GCNT2: variants seen among roughly 807,000 people sequenced by gnomAD.
GCNT2 encodes the protein glucosaminyl (N-acetyl) transferase 2 (I blood group), also known as N-acetyllactosaminide beta-1,6-N-acetylglucosaminyl-transferase.
Under a neutral mutation model 34.2 loss-of-function variants are expected in GCNT2, and 34 were observed. The ratio of observed to expected loss-of-function variants is 1.00; its 90% CI spans 0.76 to 1.32. GCNT2 has a LOEUF of 1.32. Ranked by LOEUF, GCNT2 falls within the 40% of genes most tolerant of loss-of-function variation. The pLI, the probability that GCNT2 is intolerant of heterozygous loss-of-function variation, is 0.00. For missense variants in GCNT2, 584 were observed against 489.4 expected, an observed-to-expected ratio of 1.19 and a Z score of -1.82; for synonymous variants, 212 against 188.0, an observed-to-expected ratio of 1.13 and a Z score of -1.04.
At chr6:10,594,988 A>G (rs539543128) in intron 3 of GCNT2, among the ~76,000 whole-genome samples, 3 of 151,746 alleles carry the variant, frequency 2.0e-5, no homozygotes, top group African/African-American at 7.2e-5. Context: ...TAGAACTATA[A>G]GCCTGCCTCA....
At chr6:10,608,240 G>C (rs1765409158) in intron 3 of GCNT2, among the ~76,000 whole-genome samples, 1 of 151,996 alleles carries the variant, frequency 6.6e-6, no homozygotes, top group Non-Finnish European at 1.5e-5. Context: ...ACTACGCCTG[G>C]CTAATTTTGT....
intron 3 of GCNT2, among the ~76,000 whole-genome samples, chr6:10,617,746 TC>T (rs1765846809): frequency 8.7e-5 from 10 of 115,342 alleles, no homozygotes; most frequent in African/African-American, 3.2e-4. Context: ...AGTCTGCATT[TC>T]TTCTTTTTTT....
intron 3 of GCNT2, among the ~76,000 whole-genome samples, chr6:10,569,273 A>ACACACACACACC (rs1561806920): frequency 1.4e-5 from 2 of 139,704 alleles, no homozygotes; most frequent in African/African-American, 2.7e-5. Flanking sequence ...ACACACACAC[A>ACACACACACACC]CCCCCTAGGT....
At chr6:10,611,862 A>T (rs1456014922) in intron 3 of GCNT2, among the ~76,000 whole-genome samples, 2 of 152,268 alleles carry the variant, frequency 1.3e-5, no homozygotes, top group Non-Finnish European at 1.5e-5. Context: ...ACAACATTAA[A>T]GAAAGTTTTA....
chr6:10,621,179 AG>A (rs1358366129), intron 3 of GCNT2, among the ~76,000 whole-genome samples, 171 bp from the exon 4 acceptor site: 1 of 152,250 alleles, frequency 6.6e-6, no homozygotes, highest in Non-Finnish European at 1.5e-5. Flanking sequence ...TCTGGTCAAA[AG>A]ATCAACTGGA....
intron 3 of GCNT2, among the ~76,000 whole-genome samples, chr6:10,587,843 G>C (rs1157935787): frequency 6.6e-6 from 1 of 152,110 alleles, no homozygotes; most frequent in Non-Finnish European, 1.5e-5. Flanking sequence ...GGTTGTGGGT[G>C]ACTGGTGGTT....
At chr6:10,586,546 A>G (rs1162171556) in intron 3 of GCNT2, 4 of 1,614,174 alleles carry the variant, frequency 2.5e-6, no homozygotes, top group Non-Finnish European at 3.4e-6. Context: ...CCCTGGAAGT[A>G]CGTCATCAAC....
At chr6:10,605,352 A>G (rs1053456630) in intron 3 of GCNT2, among the ~76,000 whole-genome samples, 1 of 148,514 alleles carries the variant, frequency 6.7e-6, no homozygotes, top group Admixed American at 6.8e-5. Context: ...AGTAGCTGGG[A>G]CGCACAGTAC....
At chr6:10,522,177 C>T (rs953773154) in intron 1 of GCNT2, among the ~76,000 whole-genome samples, 3 of 152,170 alleles carry the variant, frequency 2.0e-5, no homozygotes, top group South Asian at 2.1e-4. Flanking sequence ...CGTGAGCCAC[C>T]GTCCACAGCC....
At chr6:10,611,878 A>G (rs866210582) in intron 3 of GCNT2, among the ~76,000 whole-genome samples, 11 of 152,242 alleles carry the variant, frequency 7.2e-5, no homozygotes, top group African/African-American at 2.7e-4. Flanking sequence ...TTTTATAAGT[A>G]AGGAAAACAC....
intron 3 of GCNT2, among the ~76,000 whole-genome samples, chr6:10,610,520 A>G (rs1020930217): frequency 6.6e-6 from 1 of 152,178 alleles, no homozygotes; most frequent in Admixed American, 6.5e-5. Context: ...AGGATTGCCT[A>G]TGTTTCTCAA....
chr6:10,529,085 T>C lies in GCNT2; in HGVS notation c.174T>C (p.Phe58=), dbSNP rs1367645069. Residue 58 remains phenylalanine, a synonymous_variant, in exon 3 of 5, where the codon TTT becomes TTC. Coordinates refer to ENST00000495262, the MANE Select transcript of GCNT2 (RefSeq NM_145649.5). ...ATCAGATTTTTGAGGGGAAAGTTTT[T>C]TACCCAACAGAAAATGCATTGAAAA... ...ACHQIFEGKV[F]YPTENALKTT... 6.2e-7 allele frequency: 1 copy of C among 1,614,028 alleles called. No individual in the cohort carries two copies. Among genetic ancestry groups the C allele is most frequent in the East Asian group, 2.2e-5 (1 of 44,892 alleles).
At chr6:10,530,747 A>T (rs778644186) in intron 3 of GCNT2, among the ~76,000 whole-genome samples, 28 of 151,894 alleles carry the variant, frequency 1.8e-4, no homozygotes, top group Non-Finnish European at 2.2e-4. Flanking sequence ...AAACAAAAAA[A>T]CCTTATTGCA....
Position 10,625,029 on chromosome 6 carries a change from G to A in GCNT2, c.1019-1388G>A, listed in dbSNP as rs3798705. Among the ~76,000 whole-genome samples, 40 of 152,036 alleles carry A rather than the reference G, an allele frequency of 2.6e-4. No individual in the cohort carries two copies. The East Asian group carries it at 6.8e-3, about 26-fold the overall frequency. ...CTTAAGGCCTGTGTTTTTGGTTCTC[G>A]CCGCCTGGTCATTCTTTCACTTCCT... On this transcript the variant is annotated intron_variant, in intron 4 of 4. Transcript: ENST00000495262.
intron 3 of GCNT2, among the ~76,000 whole-genome samples, chr6:10,611,775 G>A (rs1428620510): frequency 6.6e-6 from 1 of 152,086 alleles, no homozygotes; most frequent in African/African-American, 2.4e-5. Flanking sequence ...TTAGTCACAA[G>A]CACAATTACT....
At chr6:10,531,286 T>G (rs865841983) in intron 3 of GCNT2, among the ~76,000 whole-genome samples, 2 of 152,332 alleles carry the variant, frequency 1.3e-5, no homozygotes, top group South Asian at 2.1e-4. Flanking sequence ...TCAAGTTGTT[T>G]ATAGTGAACC....
chr6:10,583,589 C>T (rs1449459258), intron 3 of GCNT2, among the ~76,000 whole-genome samples: 1 of 152,174 alleles, frequency 6.6e-6, no homozygotes, highest in African/African-American at 2.4e-5. Context: ...CTCTGTAATG[C>T]GACCAGACCT....
intron 3 of GCNT2, among the ~76,000 whole-genome samples, chr6:10,565,301 A>C (rs1401244000): frequency 6.6e-6 from 1 of 152,174 alleles, no homozygotes; most frequent in Non-Finnish European, 1.5e-5. Flanking sequence ...GCACAGAATA[A>C]ACACTCAGCA....
At chr6:10,534,935 G>C (rs1263156215) in intron 3 of GCNT2, among the ~76,000 whole-genome samples, 1 of 152,168 alleles carries the variant, frequency 6.6e-6, no homozygotes, top group African/African-American at 2.4e-5. Context: ...TGTAATCCCA[G>C]CTCTTTGGGA....
Sources: gnomAD v4.1 joint callset for allele counts (sites outside exome capture counted in the v4.1 genomes callset) on GRCh38, gnomAD v4.1.1 for gene constraint, MANE v1.5 for transcripts, NCBI Gene and HGNC (gene_info 2026-07-23, HGNC 2026-07-21) for gene names.